The following GTPBP8 variants were observed in gnomAD, a reference collection of about 807,000 sequenced individuals.
GTPBP8 encodes the protein GTP binding protein 8, also known as GTP-binding protein 8.
GTPBP8 carries 21 observed loss-of-function variants against 27.3 expected under a neutral mutation model. The observed-to-expected ratio is 0.77, with a 90% CI of 0.55 to 1.11. The LOEUF is 1.11. GTPBP8 is among the 50% of genes least tolerant of loss of function. The probability of loss-of-function intolerance (pLI) is 0.00; values close to 1 mark genes in which losing one functional copy is unlikely to be tolerated. For synonymous variants in GTPBP8, 147 were observed against 135.3 expected, an observed-to-expected ratio of 1.09 and a Z score of -0.60; for missense variants, 380 against 350.8, an observed-to-expected ratio of 1.08 and a Z score of -0.67.
In GTPBP8 at chr3:112,999,073, A is replaced by G. The variant is rs551453327; in HGVS notation, c.667-373A>G. On this transcript the variant is annotated intron_variant, in intron 4 of 5. Transcript: ENST00000383678. ...GTCAAAAAATGATTACAAATTGGCAATTTTGTATAGATAAACCCAATATTC... is the reference window on the plus strand; with the variant it reads ...GTCAAAAAATGATTACAAATTGGCAGTTTTGTATAGATAAACCCAATATTC... Among the ~76,000 whole-genome samples the G allele has an allele frequency of 3.3e-5, 5 of 152,332 alleles. No individual in the cohort carries two copies. The South Asian group carries it at 6.2e-4, about 19-fold the overall frequency.
At chr3:113,000,148 G>A (rs1933864156) in intron 5 of GTPBP8, among the ~76,000 whole-genome samples, 1 of 152,108 alleles carries the variant, frequency 6.6e-6, no homozygotes, top group Non-Finnish European at 1.5e-5. Context: ...AGCATTTTTG[G>A]GAGGCCGAGG....
chr3:112,997,863 G>C (rs1389241299), intron 4 of GTPBP8, among the ~76,000 whole-genome samples: 1 of 151,946 alleles, frequency 6.6e-6, no homozygotes, highest in Non-Finnish European at 1.5e-5. Flanking sequence ...CTAAATAATA[G>C]TATTCTTTAT....
intron 3 of GTPBP8, among the ~76,000 whole-genome samples, chr3:112,996,307 A>G (rs1313008363): frequency 6.6e-6 from 1 of 151,982 alleles, no homozygotes; most frequent in Non-Finnish European, 1.5e-5. Flanking sequence ...AAAATACAAA[A>G]AAAAAAAAAT....
At chr3:112,999,098 C>T (rs1933842753) in intron 4 of GTPBP8, among the ~76,000 whole-genome samples, 2 of 152,116 alleles carry the variant, frequency 1.3e-5, no homozygotes, top group Non-Finnish European at 2.9e-5. Flanking sequence ...ACCCAATATT[C>T]ATTTATATAT....
chr3:112,996,259 G>C (rs1242469204), intron 3 of GTPBP8, among the ~76,000 whole-genome samples: 1 of 151,218 alleles, frequency 6.6e-6, no homozygotes, highest in Non-Finnish European at 1.5e-5. Context: ...AGGAGTTCGA[G>C]ACCAGCCTGG....
intron 4 of GTPBP8, among the ~76,000 whole-genome samples, chr3:112,997,978 A>G (rs773243206): frequency 1.3e-5 from 2 of 152,228 alleles, no homozygotes; most frequent in African/African-American, 4.8e-5. Context: ...TAGAAAAGTT[A>G]TATCTGTATC....
rs745769734 is a variant in GTPBP8 at position 112,999,450 on chromosome 3, T to C, written c.671T>C (p.Val224Ala). The C allele has an allele frequency of 7.4e-5, 95 of 1,287,346 alleles. No individual in the cohort carries two copies. The South Asian group carries it at 1.3e-3, about 18-fold the overall frequency. The allele number at this position is 1,287,346 out of a possible 1,614,324, so 79.7% of individuals were successfully genotyped here. A position where few individuals can be genotyped will look rare whatever the true frequency, so the allele number is the denominator to read the frequency against. Residue 224 changes from valine (V) to alanine (A), a missense_variant, in exon 5 of 6, where the codon GTA (valine) becomes GCA (alanine). Physicochemically the swap from Val to Ala is moderately conservative, Grantham distance 64. Transcript: ENST00000383678. ...TAAAAATTTGTTTTCTTATAGATTG[T>C]ATTAACAAAAATTGACAAATCTTCC... ...CEEFALPYVI[V>A]LTKIDKSSKG...
intron 3 of GTPBP8, 127 bp from the exon 4 acceptor site, chr3:112,996,765 A>G (rs1933794385): frequency 3.2e-6 from 2 of 625,784 alleles, no homozygotes; most frequent in Admixed American, 5.7e-5. Context: ...CCTGTTGCCT[A>G]AAGAAATGTT....
chr3:112,996,015 A>G (rs1933778622), intron 3 of GTPBP8, among the ~76,000 whole-genome samples: 2 of 152,218 alleles, frequency 1.3e-5, no homozygotes, highest in African/African-American at 4.8e-5. Context: ...TGCACAATAT[A>G]TAGAAAATTG....
chr3:112,993,215 C>T (rs1454643537), intron 2 of GTPBP8, 91 bp downstream of exon 2: 1 of 701,006 alleles, frequency 1.4e-6, no homozygotes, highest in Admixed American at 2.6e-5. Flanking sequence ...ATCATAATTA[C>T]TAAGTTCCTA....
intron 4 of GTPBP8, among the ~76,000 whole-genome samples, chr3:112,998,253 G>A (rs979887618): frequency 2.0e-5 from 3 of 152,082 alleles, no homozygotes; most frequent in Admixed American, 1.3e-4. Context: ...CCTCCCACCC[G>A]GCTTCAGACA....
chr3:113,000,831 TTCTC>T lies in GTPBP8; in HGVS notation c.786-17_786-14del. On this transcript the variant is annotated splice_polypyrimidine_tract_variant and intron_variant, in intron 5 of 5. Coordinates refer to ENST00000383678, the MANE Select transcript of GTPBP8 (RefSeq NM_014170.4). Reference sequence around the variant, plus strand: ...TATCTGAGGAAAGGAAGAAAATTATTTCTCTTTTCTTTTCACAGTGCTGTGACCT... The same window carrying T: ...TATCTGAGGAAAGGAAGAAAATTATTTTTTCTTTTCACAGTGCTGTGACCT... 1 of 1,491,470 alleles carries T rather than the reference TTCTC, an allele frequency of 6.7e-7. No individual in the cohort carries two copies. Among genetic ancestry groups the T allele is most frequent in the Non-Finnish European group, 9.3e-7 (1 of 1,079,278 alleles). The allele number at this position is 1,491,470 out of a possible 1,614,324, so 92.4% of individuals were successfully genotyped here. A position where few individuals can be genotyped will look rare whatever the true frequency, so the allele number is the denominator to read the frequency against.
chr3:112,994,972 A>T (rs1415073478), intron 2 of GTPBP8, among the ~76,000 whole-genome samples, 163 bp from the exon 3 acceptor site: 2 of 152,182 alleles, frequency 1.3e-5, no homozygotes, highest in Non-Finnish European at 1.5e-5. Flanking sequence ...ATCTCCAGCC[A>T]TTTCCCTTCT....
rs1387730152 is a variant in GTPBP8, at chr3:112,998,327, CCT to C, written c.667-1116_667-1115del. On this transcript the variant is annotated intron_variant, in intron 4 of 5. Coordinates refer to ENST00000383678, the MANE Select transcript of GTPBP8 (RefSeq NM_014170.4). ...CTTCAAGTTGGGGTTCCAACTACCC[CCT>C]CTTTGGGTTTAATTGCTGGAGTGGC... Among the ~76,000 whole-genome samples, 21 of 152,264 alleles carry C rather than the reference CCT, an allele frequency of 1.4e-4. No individual in the cohort carries two copies. The East Asian group carries it at 4.0e-3, about 29-fold the overall frequency.
intron 3 of GTPBP8, among the ~76,000 whole-genome samples, chr3:112,995,521 G>A (rs1933767328): frequency 6.6e-6 from 1 of 151,630 alleles, no homozygotes. Context: ...TGAGAGTAAA[G>A]TGTACTTCAG....
Position 112,991,188 on chromosome 3 carries a change from G to T in GTPBP8, c.189G>T (p.Arg63Ser). The change falls in exon 1 of 6, where the codon AGG becomes AGT. Residue 63 changes from arginine to serine, a missense_variant. Physicochemically the swap from Arg to Ser is moderately radical, Grantham distance 110. Coordinates refer to ENST00000383678, the MANE Select transcript of GTPBP8 (RefSeq NM_014170.4). ...AGCGGTTCCTCGCCCCCTACGGGAG[G>T]CAAGACCTTCACCTGCGTATCTTTG... ...EVERFLAPYGRQDLHLRIFDP... is the reference protein window; with the variant it reads ...EVERFLAPYGSQDLHLRIFDP... 1 of 1,614,180 alleles carries T rather than the reference G, an allele frequency of 6.2e-7. No homozygotes were observed.
At chr3:112,997,770 A>G (rs1002820398) in intron 4 of GTPBP8, among the ~76,000 whole-genome samples, 1 of 152,222 alleles carries the variant, frequency 6.6e-6, no homozygotes, top group African/African-American at 2.4e-5. Context: ...CAAAAGCCCT[A>G]TGAAGCATTA....
In GTPBP8 at chr3:112,997,010, T is replaced by G; in HGVS notation, c.666+19T>G. The G allele has an allele frequency of 9.1e-7, 1 of 1,096,656 alleles. No homozygotes were observed. The highest frequency in any genetic ancestry group is 1.4e-6 in the Non-Finnish European group (1 of 711,394). The allele number at this position is 1,096,656 out of a possible 1,614,324, so 67.9% of individuals were successfully genotyped here. A position where few individuals can be genotyped will look rare whatever the true frequency, so the allele number is the denominator to read the frequency against. On this transcript the variant is annotated intron_variant, in intron 4 of 5. Transcript: ENST00000383678. The stretch of plus-strand genomic sequence containing the variant: ...TTATGTGGTAAGTACTTCCTTTGAA[T>G]CATGGTTGCAATTAGAAATATCAGT...
intron 3 of GTPBP8, among the ~76,000 whole-genome samples, chr3:112,995,546 T>TA (rs1421188708): frequency 7.0e-6 from 1 of 143,784 alleles, no homozygotes; most frequent in Non-Finnish European, 1.5e-5. Flanking sequence ...TTTTTTTTCA[T>TA]TTTTTTTTTT....
Sources: allele counts gnomAD v4.1 joint callset (sites outside exome capture counted in the v4.1 genomes callset), GRCh38; gene constraint gnomAD v4.1.1; transcripts MANE v1.5; gene names NCBI Gene and HGNC (gene_info 2026-07-23, HGNC 2026-07-21).